The following CPXM1 variants were observed in gnomAD, a reference collection of about 807,000 sequenced individuals.
CPXM1 encodes carboxypeptidase X, M14 family member 1, also known as probable carboxypeptidase X1.
Under a neutral mutation model 80.4 loss-of-function variants are expected in CPXM1, and 72 were observed. The observed-to-expected ratio is 0.90, with a 90% CI of 0.74 to 1.09. The LOEUF (loss-of-function observed/expected upper bound fraction) is 1.09, where lower values mean the gene tolerates loss of function less well. Ranked by LOEUF, CPXM1 falls within the 50% of genes least tolerant of loss-of-function variation. The pLI is 0.00. For missense variants in CPXM1, 892 were observed against 999.4 expected (o/e 0.89, Z 1.45); for synonymous variants, 403 against 405.6 (o/e 0.99, Z 0.08).
rs1411363133 is a variant in CPXM1 at position 2,796,585 on chromosome 20, G to A, written c.987C>T (p.Tyr329=). 1 of 1,614,160 alleles carries A rather than the reference G, an allele frequency of 6.2e-7. No homozygotes were observed. The change falls in exon 8 of 14, where the codon TAC becomes TAT. Residue 329 remains tyrosine (Y), a synonymous_variant. Transcript: ENST00000380605. The surrounding 1 kb of genome is among the most constrained non-coding windows in gnomAD (Gnocchi z 6.8). ...ITRIYSIGKS[Y]QGLKLYVMEM... ...CCATCACATACAGCTTCAGGCCCTG[G>A]TAGCTCTTCCCAATGCTGTAGATGC... is the stretch of plus-strand genomic sequence containing the variant.
chr20:2,797,473 T>C (rs1308286692), intron 5 of CPXM1, 131 bp from the exon 6 acceptor site: 1 of 1,040,558 alleles, frequency 9.6e-7, no homozygotes, highest in East Asian at 2.7e-5. Context: ...ACTTGCACTG[T>C]GCATCAAACA....
chr20:2,800,386 G>T lies in CPXM1; in HGVS notation c.172+15C>A, dbSNP rs770843333. On this transcript the variant is annotated intron_variant, in intron 1 of 13. Coordinates refer to ENST00000380605, the MANE Select transcript of CPXM1 (RefSeq NM_019609.5). ...TCGGCTTGCGGGGGAGCGGACCGTC[G>T]GTCGGGGAACTCACCGTTAGCTGTC... 1.3e-6 allele frequency: 2 copies of T among 1,507,762 alleles called. No individual in the cohort carries two copies. The highest frequency in any genetic ancestry group is 4.4e-5 in the Admixed American group (2 of 44,992). The allele number at this position is 1,507,762 out of a possible 1,614,324, so 93.4% of individuals were successfully genotyped here. A position where few individuals can be genotyped will look rare whatever the true frequency, so the allele number is the denominator to read the frequency against.
At position 2,795,880 on chromosome 20, in the gene CPXM1, C is replaced by A; in HGVS notation, c.1439G>T (p.Arg480Leu). 6.2e-7 allele frequency: 1 copy of A among 1,609,948 alleles called. No homozygotes were observed. Among genetic ancestry groups the A allele is most frequent in the Non-Finnish European group, 8.5e-7 (1 of 1,177,308 alleles). ...LPNATVAPET[R>L]AVIKWMKRIP... ...CCGCTTCATCCACTTGATTACTGCC[C>A]GCGTTTCAGGAGCCACCTGGATGGG... The change falls in exon 11 of 14, where the codon CGG becomes CTG. Residue 480 changes from arginine to leucine, a missense_variant. By Grantham distance (102) the Arg-to-Leu change is moderately radical. Around this residue, in one of 2 missense-constraint regions of CPXM1, gnomAD observed 874 missense variants for 958.4 expected, o/e 0.91. Coordinates refer to ENST00000380605, the MANE Select transcript of CPXM1 (RefSeq NM_019609.5). The surrounding 1 kb of genome is among the most constrained non-coding windows in gnomAD (Gnocchi z 5.4).
intron 2 of CPXM1, 72 bp from the exon 3 acceptor site, chr20:2,798,609 A>G (rs915746480): frequency 1.3e-6 from 2 of 1,555,750 alleles, no homozygotes; most frequent in African/African-American, 2.7e-5. Context: ...GCTGAGCCTA[A>G]GGTTGCTCCT....
Position 2,796,289 on chromosome 20 carries a change from C to T in CPXM1, c.1200G>A (p.Leu400=). ...RLLSEMRIHL[L]PSMNPDGYEI... is the part of the protein sequence containing the mutation. Reference sequence around the variant, plus strand: ...CATAGCCATCAGGGTTCATGGAGGGCAGCAGGTGAATGCGCATCTCAGAGA... The same window carrying T: ...CATAGCCATCAGGGTTCATGGAGGGTAGCAGGTGAATGCGCATCTCAGAGA... Residue 400 remains leucine, a synonymous_variant, in exon 9 of 14, where the codon CTG becomes CTA. Coordinates refer to ENST00000380605, the MANE Select transcript of CPXM1 (RefSeq NM_019609.5). The surrounding 1 kb of genome is among the most constrained non-coding windows in gnomAD (Gnocchi z 6.8). The T allele has an allele frequency of 6.2e-7, 1 of 1,613,820 alleles. No homozygotes were observed. The highest frequency in any genetic ancestry group is 8.5e-7 in the Non-Finnish European group (1 of 1,179,994).
At position 2,794,918 on chromosome 20, in the gene CPXM1, T is replaced by A. The variant is rs1489430553; in HGVS notation, c.1861-279A>T. ...TTGGTAGACCCTTTGGAAGCTCTGC[T>A]TATGGAGCTATTACAAGGGTTATGA... is the stretch of plus-strand genomic sequence containing the variant. On this transcript the variant is annotated intron_variant, in intron 12 of 13. Transcript: ENST00000380605. The surrounding 1 kb of genome is among the most constrained non-coding windows in gnomAD (Gnocchi z 5.2). Among the ~76,000 whole-genome samples, 11 of 152,224 alleles carry A rather than the reference T, an allele frequency of 7.2e-5. No homozygotes were observed. The East Asian group carries it at 2.1e-3, about 29-fold the overall frequency.
At chr20:2,797,914 G>T in intron 5 of CPXM1, 54 bp downstream of exon 5, 1 of 1,509,854 alleles carries the variant, frequency 6.6e-7, no homozygotes, top group South Asian at 1.1e-5. Context: ...GCCTAGCCTG[G>T]ACTGGGTGCC....
Position 2,796,971 on chromosome 20 carries a change from G to A in CPXM1, c.921+35C>T. ...TGGGAAGGGGACCTGAGATGGGTGG[G>A]CCCTCCTTCCCAGGTCATAGGGGTT... is the stretch of plus-strand genomic sequence containing the variant. On this transcript the variant is annotated intron_variant, in intron 7 of 13. Coordinates refer to ENST00000380605, the MANE Select transcript of CPXM1 (RefSeq NM_019609.5). The surrounding 1 kb of genome is among the most constrained non-coding windows in gnomAD (Gnocchi z 6.8). 1.9e-6 allele frequency: 3 copies of A among 1,586,632 alleles called. No individual in the cohort carries two copies. The highest frequency in any genetic ancestry group is 2.6e-6 in the Non-Finnish European group (3 of 1,155,828).
Position 2,796,541 on chromosome 20 carries a change from C to G in CPXM1, c.1031G>C (p.Gly344Ala). 6.2e-7 allele frequency: 1 copy of G among 1,614,146 alleles called. No individual in the cohort carries two copies. The highest frequency in any genetic ancestry group is 8.5e-7 in the Non-Finnish European group (1 of 1,180,014). The part of the protein sequence containing the change: ...LYVMEMSDKP[G>A]EHELGEPEVR... ...CATGCCAGTACCCAGCTCATGCTCC[C>G]CAGGCTTGTCCGACATTTCCATCAC... The change falls in exon 8 of 14, where the codon GGG (glycine) becomes GCG (alanine). Residue 344 changes from glycine to alanine, a missense_variant. Coordinates refer to ENST00000380605, the MANE Select transcript of CPXM1 (RefSeq NM_019609.5). This position sits in a 1 kb window ranked among gnomAD's most constrained non-coding sequence, Gnocchi z 6.8.
At position 2,794,360 on chromosome 20, in the gene CPXM1, G is replaced by C; in HGVS notation, c.2035C>G (p.His679Asp). Reference sequence around the variant, plus strand: ...ACCCGACAGTTCCGTGTCACTGAATGGTAGCCCTCGGCACTGGCAGTCACC... The same window carrying C: ...ACCCGACAGTTCCGTGTCACTGAATCGTAGCCCTCGGCACTGGCAGTCACC... ...YMVTASAEGY[H>D]SVTRNCRVTF... Residue 679 changes from histidine (H) to aspartate (D), a missense_variant, in exon 14 of 14, where the codon CAT becomes GAT. Around this residue, in one of 2 missense-constraint regions of CPXM1, gnomAD observed 874 missense variants for 958.4 expected, o/e 0.91. Transcript: ENST00000380605. This position sits in a 1 kb window ranked among gnomAD's most constrained non-coding sequence, Gnocchi z 5.2. 6.2e-7 allele frequency: 1 copy of C among 1,614,156 alleles called. No homozygotes were observed. Among genetic ancestry groups the C allele is most frequent in the Non-Finnish European group, 8.5e-7 (1 of 1,180,020 alleles).
At position 2,797,083 on chromosome 20, in the gene CPXM1, G is replaced by C. The variant is rs751309830; in HGVS notation, c.844C>G (p.Leu282Val). Residue 282 changes from leucine (L) to valine (V), a missense_variant, in exon 7 of 14, where the codon CTA (leucine) becomes GTA (valine). Coordinates refer to ENST00000380605, the MANE Select transcript of CPXM1 (RefSeq NM_019609.5). ...CCCGACGCAGGGGCCTCAAGGAATA[G>C]GTCATTGGGGTCTGGTGGAGGTTGA... ...LACPVSDPND[L>V]FLEAPASGSS... The C allele has an allele frequency of 1.2e-6, 2 of 1,614,050 alleles. No homozygotes were observed. The highest frequency in any genetic ancestry group is 1.1e-5 in the South Asian group (1 of 91,070).
At position 2,795,324 on chromosome 20, in the gene CPXM1, G is replaced by A; in HGVS notation, c.1813C>T (p.Gln605Ter). ...DKFPHENELP[Q>*]EWENNKDALL... ...GCGTCTTTGTTGTTCTCCCACTCCT[G>A]GGGCAATTCATTCTCGTGAGGGAAC... is the stretch of plus-strand genomic sequence containing the variant. The change falls in exon 12 of 14, where the codon CAG becomes TAG. Residue 605 changes from glutamine to a stop codon, truncating the protein, a stop_gained. Transcript: ENST00000380605. LOFTEE classifies it high-confidence loss of function. This position sits in a 1 kb window ranked among gnomAD's most constrained non-coding sequence, Gnocchi z 5.4. 1.2e-6 allele frequency: 2 copies of A among 1,614,146 alleles called. No individual in the cohort carries two copies. The highest frequency in any genetic ancestry group is 1.7e-6 in the Non-Finnish European group (2 of 1,180,032).
In CPXM1 at chr20:2,798,880, C is replaced by T; in HGVS notation, c.186G>A (p.Gln62=). Residue 62 remains glutamine, a synonymous_variant, in exon 2 of 14, where the codon CAG becomes CAA. Coordinates refer to ENST00000380605, the MANE Select transcript of CPXM1 (RefSeq NM_019609.5). ...PAETANGTSE[Q]HVRIRVIKKK... ...TCTTGATGACTCGAATCCGGACATG[C>T]TGTTCTGAGGTCCCTTGGGGTCCGA... 2 of 1,613,916 alleles carry T rather than the reference C, an allele frequency of 1.2e-6. No homozygotes were observed. Among genetic ancestry groups the T allele is most frequent in the Non-Finnish European group, 1.7e-6 (2 of 1,179,932 alleles).
In CPXM1 at chr20:2,798,752, A is replaced by G; in HGVS notation, c.314T>C (p.Leu105Pro). 1 of 1,613,138 alleles carries G rather than the reference A, an allele frequency of 6.2e-7. No individual in the cohort carries two copies. Among genetic ancestry groups the G allele is most frequent in the Non-Finnish European group, 8.5e-7 (1 of 1,179,696 alleles). ...PLVTPTPAGT[L>P]DPAEKQETGC... ...TGTTTCTTGTTTCTCAGCGGGGTCG[A>G]GGGTCCCTGCTGGAGTGGGGGTCAC... Residue 105 changes from leucine (L) to proline (P), a missense_variant, in exon 2 of 14, where the codon CTC becomes CCC. Coordinates refer to ENST00000380605, the MANE Select transcript of CPXM1 (RefSeq NM_019609.5).
intron 1 of CPXM1, among the ~76,000 whole-genome samples, chr20:2,799,677 T>C (rs1293671645): frequency 6.6e-6 from 1 of 152,064 alleles, no homozygotes; most frequent in Non-Finnish European, 1.5e-5. Flanking sequence ...TCCACTTGCC[T>C]CCTCTAGAAG....
In CPXM1 at chr20:2,794,678, C is replaced by A. The variant is rs1324052130; in HGVS notation, c.1861-39G>T. On this transcript the variant is annotated intron_variant, in intron 12 of 13. Transcript: ENST00000380605. This position sits in a 1 kb window ranked among gnomAD's most constrained non-coding sequence, Gnocchi z 5.2. ...GGTTATCAGAGCCCTTCCCCTTCGG[C>A]AGGATAATGTGCTGTTTAGCTAACT... 1.3e-6 allele frequency: 2 copies of A among 1,533,320 alleles called. No individual in the cohort carries two copies. The highest frequency in any genetic ancestry group is 9.0e-7 in the Non-Finnish European group (1 of 1,115,422). The allele number at this position is 1,533,320 out of a possible 1,614,324, so 95.0% of individuals were successfully genotyped here.
chr20:2,798,260 C>T lies in CPXM1; in HGVS notation c.482G>A (p.Gly161Glu), dbSNP rs145548069. 77 of 1,613,978 alleles carry T rather than the reference C, an allele frequency of 4.8e-5. No individual in the cohort carries two copies. In the African/African-American group the frequency reaches 9.7e-4, roughly 20 times the overall value. ...GTCCTGCTCCTCAGCACACCAGGCT[C>T]CATCATATAGATCGCCGTCCTCCAG... ...SGLEDGDLYD[G>E]AWCAEEQDAD... The change falls in exon 4 of 14, where the codon GGA becomes GAA. Residue 161 changes from glycine (G) to glutamate (E), a missense_variant. Physicochemically the swap from Gly to Glu is moderately conservative, Grantham distance 98 (BLOSUM62 -2). Transcript: ENST00000380605.
rs1193687369 is a variant in CPXM1 at position 2,796,313 on chromosome 20, G to C, written c.1176C>G (p.Leu392=). 5.6e-6 allele frequency: 9 copies of C among 1,613,972 alleles called. 1 individual carries two copies. The African/African-American group carries it at 9.3e-5, about 17-fold the overall frequency. ...GCAGCAGGTGAATGCGCATCTCAGA[G>C]AGCAGCCGGGTCACCCGTGGGTTCC... ...LRGNPRVTRL[L]SEMRIHLLPS... The change falls in exon 9 of 14, where the codon CTC becomes CTG. Residue 392 remains leucine (L), a synonymous_variant. Transcript: ENST00000380605. This position sits in a 1 kb window ranked among gnomAD's most constrained non-coding sequence, Gnocchi z 6.8.
Position 2,796,616 on chromosome 20 carries a change from A to T in CPXM1, c.956T>A (p.Ile319Asn), listed in dbSNP as rs751915961. 5 of 1,614,052 alleles carry T rather than the reference A, an allele frequency of 3.1e-6. No homozygotes were observed. Among genetic ancestry groups the T allele is most frequent in the Non-Finnish European group, 4.2e-6 (5 of 1,180,006 alleles). The change falls in exon 8 of 14, where the codon ATC (isoleucine) becomes AAC (asparagine). Residue 319 changes from isoleucine to asparagine, a missense_variant. Ile to Asn is a moderately radical substitution (Grantham distance 149). Around this residue, in one of 2 missense-constraint regions of CPXM1, gnomAD observed 874 missense variants for 958.4 expected, o/e 0.91. Coordinates refer to ENST00000380605, the MANE Select transcript of CPXM1 (RefSeq NM_019609.5). The surrounding 1 kb of genome is among the most constrained non-coding windows in gnomAD (Gnocchi z 6.8). ...MKQVQEQCPN[I>N]TRIYSIGKSY... is the part of the protein sequence containing the mutation. ...CTTCCCAATGCTGTAGATGCGGGTG[A>T]TGTTGGGGCATTGCTCTTGTACCTG...
Sources: allele counts gnomAD v4.1 joint callset (sites outside exome capture counted in the v4.1 genomes callset), GRCh38; gene constraint gnomAD v4.1.1; regional missense constraint gnomAD v4.1.1; non-coding constraint Gnocchi (gnomAD v3.1); transcripts MANE v1.5; gene names NCBI Gene and HGNC (gene_info 2026-07-23, HGNC 2026-07-21).